Variants in NCALD observed in about 807,000 individuals in gnomAD.
NCALD encodes the protein neurocalcin delta.
A neutral mutation model predicts 18.6 loss-of-function variants in NCALD; 10 were observed. The observed-to-expected ratio is 0.54, with a 90% confidence interval of 0.33 to 0.91. The LOEUF is 0.91. Among genes scored for constraint, NCALD ranks in the 40% least tolerant of loss-of-function variants. The pLI, the probability that NCALD is intolerant of heterozygous loss-of-function variation, is 0.03. For synonymous variants in NCALD, 88 were observed against 87.4 expected, an observed-to-expected ratio of 1.01 and a Z score of -0.04; for missense variants, 184 against 247.6, an observed-to-expected ratio of 0.74 and a Z score of 1.72.
intron 4 of NCALD, among the ~76,000 whole-genome samples, chr8:101,854,195 A>G (rs985240404): frequency 6.6e-6 from 1 of 152,162 alleles, no homozygotes; most frequent in African/African-American, 2.4e-5. Context: ...CACTATTGGT[A>G]GCAGGTGCTG....
chr8:102,079,404 C>G (rs1424098560), intron 1 of NCALD, among the ~76,000 whole-genome samples: 1 of 152,148 alleles, frequency 6.6e-6, no homozygotes, highest in African/African-American at 2.4e-5. Flanking sequence ...CTGAGACCCA[C>G]AGTTGTGTGT....
chr8:102,102,573 T>C (rs1367037872), intron 1 of NCALD, among the ~76,000 whole-genome samples: 1 of 151,950 alleles, frequency 6.6e-6, no homozygotes, highest in African/African-American at 2.4e-5. Flanking sequence ...ACCTAGCAAG[T>C]GGAAAAAGGG....
intron 2 of NCALD, among the ~76,000 whole-genome samples, chr8:101,701,699 G>C (rs4734586): frequency 0.94 from 142,395 of 152,252 alleles, 66,684 homozygotes; most frequent in South Asian, 0.98. Flanking sequence ...CACTCAACCT[G>C]TTTTCTGAAG....
chr8:102,103,884 C>CAACT (rs2132423552), intron 1 of NCALD, among the ~76,000 whole-genome samples: 1 of 152,242 alleles, frequency 6.6e-6, no homozygotes, highest in South Asian at 2.1e-4. Context: ...AGTGAGAAGG[C>CAACT]AACTGCCTGA....
chr8:102,037,235 T>G (rs1224447519), intron 1 of NCALD, among the ~76,000 whole-genome samples: 1 of 152,162 alleles, frequency 6.6e-6, no homozygotes, highest in Non-Finnish European at 1.5e-5. Flanking sequence ...ATAAGTACTA[T>G]TATTGTCCCT....
intron 2 of NCALD, among the ~76,000 whole-genome samples, chr8:101,703,152 C>CTT (rs11447285): frequency 2.0e-5 from 3 of 147,660 alleles, no homozygotes; most frequent in African/African-American, 7.5e-5. Context: ...CTCTGTTCCT[C>CTT]TTTTTTTTTT....
intron 4 of NCALD, among the ~76,000 whole-genome samples, chr8:101,796,963 G>A (rs1034927800): frequency 6.6e-6 from 1 of 152,172 alleles, no homozygotes; most frequent in Non-Finnish European, 1.5e-5. Flanking sequence ...AAACCCAAAA[G>A]AATGCAACCA....
Position 101,992,702 on chromosome 8 carries a change from T to C in NCALD, c.-157+27535A>G, listed in dbSNP as rs566667529. Among the ~76,000 whole-genome samples, 9 of 152,262 alleles carry C rather than the reference T, an allele frequency of 5.9e-5. No individual in the cohort carries two copies. In the South Asian group the frequency reaches 1.9e-3, roughly 32 times the overall value. ...CAGTTTCTGGAATGGGGTCATTGCA[T>C]TGCACAACTCCAGAGTCACATTCAC... On this transcript the variant is annotated intron_variant, in intron 2 of 6. Transcript: ENST00000311028.
intron 4 of NCALD, among the ~76,000 whole-genome samples, chr8:101,827,445 AG>A (rs912700462): frequency 2.0e-5 from 3 of 152,206 alleles, no homozygotes; most frequent in Non-Finnish European, 2.9e-5. Context: ...AACTATCCAA[AG>A]CCACAAGTCC....
intron 2 of NCALD, among the ~76,000 whole-genome samples, chr8:101,925,923 A>G (rs1419615437): frequency 6.6e-6 from 1 of 152,200 alleles, no homozygotes; most frequent in Non-Finnish European, 1.5e-5. Context: ...CTGAAAAATC[A>G]GGCAAGAGAC....
intron 1 of NCALD, among the ~76,000 whole-genome samples, chr8:102,104,198 G>A (rs1023194062): frequency 6.6e-6 from 1 of 152,170 alleles, no homozygotes; most frequent in Admixed American, 6.5e-5. Context: ...TTATTTCCCA[G>A]TGAGTATTAA....
intron 4 of NCALD, among the ~76,000 whole-genome samples, chr8:101,818,751 A>C (rs1813600392): frequency 6.6e-6 from 1 of 152,208 alleles, no homozygotes; most frequent in Non-Finnish European, 1.5e-5. Flanking sequence ...CATGCCTGTA[A>C]TCCCAGCACT....
Position 101,870,921 on chromosome 8 carries a change from G to T in NCALD, c.-20+16220C>A, listed in dbSNP as rs1053648089. Reference sequence around the variant, plus strand: ...CACCCCCCCCCCCCAAAAAAAGAGAGAACGTTCATGAGTTATCTAAAGAAC... The same window carrying T: ...CACCCCCCCCCCCCAAAAAAAGAGATAACGTTCATGAGTTATCTAAAGAAC... On this transcript the variant is annotated intron_variant, in intron 4 of 6. Coordinates refer to the NCALD transcript ENST00000311028. 5.5e-4 allele frequency among the ~76,000 whole-genome samples: 62 copies of T among 112,220 alleles called. 1 individual carries two copies. Among genetic ancestry groups the T allele is most frequent in the African/African-American group, 2.1e-3 (59 of 27,450 alleles). 73.6% of individuals were successfully genotyped at this position (112,220 alleles called of 152,430 possible).
At chr8:101,941,911 T>C (rs181354303) in intron 2 of NCALD, among the ~76,000 whole-genome samples, 13 of 152,326 alleles carry the variant, frequency 8.5e-5, no homozygotes, top group Middle Eastern at 6.8e-3. Flanking sequence ...AAGTGGTAAA[T>C]TATGATTTCT....
chr8:102,112,482 A>T (rs183997985), intron 1 of NCALD, among the ~76,000 whole-genome samples: 135 of 142,938 alleles, frequency 9.4e-4, no homozygotes, highest in Non-Finnish European at 1.4e-3. Flanking sequence ...AAACTGTGAT[A>T]AAAAAAAAAA....
At chr8:101,834,974 A>G (rs2155939) in intron 4 of NCALD, among the ~76,000 whole-genome samples, 57,221 of 152,128 alleles carry the variant, frequency 0.38, 13,266 homozygotes, top group African/African-American at 0.65. Flanking sequence ...GTGTGGTCTT[A>G]GACAAGTCAC....
chr8:102,095,551 AT>A (rs1825064876), intron 1 of NCALD, among the ~76,000 whole-genome samples: 2 of 152,342 alleles, frequency 1.3e-5, no homozygotes, highest in South Asian at 4.1e-4. Context: ...TGCCAAGGAC[AT>A]TGTTAGTGGG....
intron 2 of NCALD, among the ~76,000 whole-genome samples, chr8:101,929,253 AAG>A (rs1250267413): frequency 3.7e-5 from 3 of 80,894 alleles, no homozygotes; most frequent in African/African-American, 1.9e-4. Flanking sequence ...GAGGAGGAGG[AAG>A]GGATGGAGGA....
chr8:102,022,466 T>C (rs1209103578), intron 1 of NCALD, among the ~76,000 whole-genome samples: 1 of 152,190 alleles, frequency 6.6e-6, no homozygotes, highest in Non-Finnish European at 1.5e-5. Flanking sequence ...ATGGTTCAGA[T>C]TGAGAACACT....
Sources: allele counts gnomAD v4.1 joint callset (sites outside exome capture counted in the v4.1 genomes callset), GRCh38; gene constraint gnomAD v4.1.1; transcripts MANE v1.5; gene names NCBI Gene and HGNC (gene_info 2026-07-23, HGNC 2026-07-21).